Variants in SMARCE1 observed in about 807,000 individuals in gnomAD.
SMARCE1 encodes the protein SWI/SNF related BAF chromatin remodeling complex subunit E1.
Under a neutral mutation model 54.9 loss-of-function variants are expected in SMARCE1, and 13 were observed. The ratio of observed to expected loss-of-function variants is 0.24; its 90% CI spans 0.15 to 0.38. The LOEUF (loss-of-function observed/expected upper bound fraction) is 0.38. Among genes scored for constraint, SMARCE1 ranks in the 10% least tolerant of loss-of-function variants. SMARCE1 has a pLI of 1.00. For missense variants in SMARCE1, 295 were observed against 523.8 expected (o/e 0.56, Z 4.26); for synonymous variants, 151 against 175.3 (o/e 0.86, Z 1.10).
Position 40,632,206 on chromosome 17 carries a change from T to C in SMARCE1, c.703A>G (p.Met235Val). 2 of 1,612,354 alleles carry C rather than the reference T, an allele frequency of 1.2e-6. No homozygotes were observed. The highest frequency in any genetic ancestry group is 1.7e-6 in the Non-Finnish European group (2 of 1,179,430). Residue 235 changes from methionine (M) to valine (V), a missense_variant, in exon 8 of 11, where the codon ATG becomes GTG. This residue lies in a region of SMARCE1 where 101 missense variants were observed against 183.1 expected (regional missense o/e 0.55). Transcript: ENST00000348513. ...QVLKRQVQSL[M>V]VHQRKLEAEL... ...TTTTATGACTTTACCTGATGAACCA[T>C]TAAGGACTGGACCTGCCGTTTGAGG...
At chr17:40,643,648 T>C (rs2037220612) in intron 3 of SMARCE1, 1 of 152,330 alleles carries the variant, frequency 6.6e-6, no homozygotes, top group Middle Eastern at 3.4e-3. Context: ...CAATTAACAA[T>C]ATCGGTCCTT....
chr17:40,629,846 A>G (rs1597741803), intron 10 of SMARCE1: 1 of 370,560 alleles, frequency 2.7e-6, no homozygotes, highest in Non-Finnish European at 4.8e-6. Context: ...ATTCATACAA[A>G]ACAGAAAGAG....
intron 5 of SMARCE1, chr17:40,637,155 T>G: frequency 4.1e-6 from 1 of 246,558 alleles, no homozygotes; most frequent in Non-Finnish European, 8.0e-6. Flanking sequence ...GTTGCTATTA[T>G]TTTTATAAAA....
intron 10 of SMARCE1, 48 bp downstream of exon 10, chr17:40,630,666 C>A (rs1160846742): frequency 6.8e-7 from 1 of 1,470,668 alleles, no homozygotes; most frequent in Non-Finnish European, 9.5e-7. Flanking sequence ...TTAAAGACAG[C>A]CGTACAAAGT....
intron 4 of SMARCE1, among the ~76,000 whole-genome samples, chr17:40,639,670 ATAAAGT>A (rs1013893776): frequency 7.2e-5 from 11 of 152,212 alleles, no homozygotes; most frequent in African/African-American, 2.2e-4. Flanking sequence ...CAAAACAATA[ATAAAGT>A]TAAATTCCAG....
In SMARCE1 at chr17:40,628,752, A is replaced by G. The variant is rs534395995; in HGVS notation, c.*33T>C. 13 of 1,553,442 alleles carry G rather than the reference A, an allele frequency of 8.4e-6. No homozygotes were observed. The East Asian group carries it at 2.9e-4, about 35-fold the overall frequency. On this transcript the variant is annotated 3_prime_UTR_variant, in exon 11 of 11. Coordinates refer to ENST00000348513, the MANE Select transcript of SMARCE1 (RefSeq NM_003079.5). ...ACCAAAAAACATTTTTTCATTAAAA[A>G]AAGTATTTAGAACACACAAAACAAG... is the stretch of plus-strand genomic sequence containing the variant.
chr17:40,630,607 C>T (rs2037083367), intron 10 of SMARCE1, 107 bp downstream of exon 10: 2 of 836,716 alleles, frequency 2.4e-6, no homozygotes, highest in Admixed American at 1.9e-5. Context: ...TGGGAATCAC[C>T]CTCAGTGGCA....
At chr17:40,641,693 GT>G (rs1158525179) in intron 4 of SMARCE1, 3 of 151,834 alleles carry the variant, frequency 2.0e-5, no homozygotes, top group Admixed American at 2.0e-4. Context: ...GCATTTTTTG[GT>G]GCTTAAACTT....
At chr17:40,640,558 A>AT (rs1295629607) in intron 4 of SMARCE1, 1 of 152,232 alleles carries the variant, frequency 6.6e-6, no homozygotes, top group African/African-American at 2.4e-5. Context: ...AAAGTAATGC[A>AT]TAACTAGGGT....
At chr17:40,633,369 C>T (rs1175391431) in intron 7 of SMARCE1, 1 of 152,036 alleles carries the variant, frequency 6.6e-6, no homozygotes, top group East Asian at 1.9e-4. Context: ...TGCTCTATCA[C>T]CTTCATAGTT....
rs767080034 is a variant in SMARCE1, at chr17:40,631,593, C to T, written c.815G>A (p.Arg272Lys). The change falls in exon 9 of 11, where the codon AGG becomes AAG. Residue 272 changes from arginine to lysine, a missense_variant and splice_region_variant. Coordinates refer to ENST00000348513, the MANE Select transcript of SMARCE1 (RefSeq NM_003079.5). The part of the protein sequence containing the change: ...STDSFNNELK[R>K]LCGLKVEVDM... ...ATAGTTAACATATTAAACAGATACC[C>T]TTTTAAGTTCATTGTTAAATGAATC... The T allele has an allele frequency of 1.4e-6, 2 of 1,475,208 alleles. No individual in the cohort carries two copies. Among genetic ancestry groups the T allele is most frequent in the East Asian group, 2.3e-5 (1 of 44,136 alleles). The allele number at this position is 1,475,208 out of a possible 1,614,324, so 91.4% of individuals were successfully genotyped here. A position where few individuals can be genotyped will look rare whatever the true frequency, so the allele number is the denominator to read the frequency against.
Position 40,642,025 on chromosome 17 carries a change from T to C in SMARCE1, c.156+430A>G, listed in dbSNP as rs2037204589. 9.0e-6 allele frequency: 2 copies of C among 221,388 alleles called. No homozygotes were observed. The highest frequency in any genetic ancestry group is 2.5e-4 in the East Asian group (2 of 7,916). The allele number at this position is 221,388 out of a possible 1,614,324, so 13.7% of individuals were successfully genotyped here. The stretch of plus-strand genomic sequence containing the variant: ...AACTATGGGTAGCGATTCAAACTGG[T>C]GTACCAGCCAAAAGCTTTCCAGCCC... On this transcript the variant is annotated intron_variant, in intron 4 of 10. Coordinates refer to ENST00000348513, the MANE Select transcript of SMARCE1 (RefSeq NM_003079.5). This position sits in a 1 kb window ranked among gnomAD's most constrained non-coding sequence, Gnocchi z 4.6.
At chr17:40,631,056 G>T in intron 9 of SMARCE1, 132 bp from the exon 10 acceptor site, 1 of 683,016 alleles carries the variant, frequency 1.5e-6, no homozygotes, top group Admixed American at 3.0e-5. Flanking sequence ...GTGTGTGTGT[G>T]TGTGCCAAAA....
intron 4 of SMARCE1, chr17:40,641,121 A>T (rs1451011548): frequency 2.0e-5 from 3 of 152,218 alleles, no homozygotes; most frequent in Non-Finnish European, 4.4e-5. Context: ...CCCGTGAAAA[A>T]ATTGCTGCAT....
chr17:40,637,593 T>A, intron 4 of SMARCE1, 21 bp from the exon 5 acceptor site: 1 of 1,584,394 alleles, frequency 6.3e-7, no homozygotes, highest in Non-Finnish European at 8.7e-7. Flanking sequence ...GTTAAATACA[T>A]TCATTATTCA....
At chr17:40,647,184 T>C (rs983293741) in intron 1 of SMARCE1, 2 of 152,240 alleles carry the variant, frequency 1.3e-5, no homozygotes, top group African/African-American at 4.8e-5. Flanking sequence ...TAAATATTTG[T>C]TCAAGAAATA....
intron 7 of SMARCE1, chr17:40,635,072 A>C (rs1258934885): frequency 6.6e-6 from 1 of 151,932 alleles, no homozygotes; most frequent in Non-Finnish European, 1.5e-5. Context: ...TCTTGTCTTC[A>C]GGTACTATTA....
At chr17:40,640,815 T>C (rs2037192034) in intron 4 of SMARCE1, 1 of 152,212 alleles carries the variant, frequency 6.6e-6, no homozygotes, top group African/African-American at 2.4e-5. Context: ...TAATCTACTA[T>C]GTAGCTAGTG....
intron 1 of SMARCE1, among the ~76,000 whole-genome samples, chr17:40,646,362 T>C (rs1304894796): frequency 2.6e-5 from 4 of 152,210 alleles, no homozygotes; most frequent in Admixed American, 6.5e-5. Flanking sequence ...TAATGGTAAA[T>C]AGCTTCATAA....
Sources: allele counts gnomAD v4.1 joint callset (sites outside exome capture counted in the v4.1 genomes callset), GRCh38; gene constraint gnomAD v4.1.1; regional missense constraint gnomAD v4.1.1; non-coding constraint Gnocchi (gnomAD v3.1); transcripts MANE v1.5; gene names NCBI Gene and HGNC (gene_info 2026-07-23, HGNC 2026-07-21).